NR3C1: variants seen among roughly 807,000 people sequenced by gnomAD.
NR3C1 encodes the protein nuclear receptor subfamily 3 group C member 1, also known as glucocorticoid receptor.
A neutral mutation model predicts 74.0 loss-of-function variants in NR3C1; 14 were observed. The observed-to-expected ratio is 0.19, with a 90% confidence interval of 0.12 to 0.30. NR3C1 has a LOEUF of 0.30. Among genes scored for constraint, NR3C1 ranks in the 10% least tolerant of loss-of-function variants. NR3C1 has a pLI of 1.00. For synonymous variants in NR3C1, 308 were observed against 332.5 expected, an observed-to-expected ratio of 0.93 and a Z score of 0.80; for missense variants, 695 against 909.8, an observed-to-expected ratio of 0.76 and a Z score of 3.04.
chr5:143,402,552 G>C, intron 1 of NR3C1: 1 of 968,030 alleles, frequency 1.0e-6, no homozygotes, highest in Non-Finnish European at 1.2e-6. Flanking sequence ...TGCGGGGCGG[G>C]GGTGGAGAAG....
At chr5:143,349,039 C>G (rs925672822) in intron 2 of NR3C1, among the ~76,000 whole-genome samples, 16 of 152,088 alleles carry the variant, frequency 1.1e-4, no homozygotes, top group African/African-American at 2.9e-4. Flanking sequence ...GAGGGAGGAT[C>G]AGAGAGAGAA....
chr5:143,371,120 TTTAGA>T (rs1449419243), intron 2 of NR3C1, among the ~76,000 whole-genome samples: 1 of 152,222 alleles, frequency 6.6e-6, no homozygotes, highest in Non-Finnish European at 1.5e-5. Context: ...GAAATTTTGT[TTTAGA>T]TTAGATTGTG....
At chr5:143,395,179 G>A (rs1277135634) in intron 2 of NR3C1, among the ~76,000 whole-genome samples, 1 of 151,876 alleles carries the variant, frequency 6.6e-6, no homozygotes, top group Non-Finnish European at 1.5e-5. Flanking sequence ...AACAGGGAAA[G>A]GAACACTTAG....
In NR3C1 at chr5:143,359,481, C is replaced by T. The variant is rs565099114; in HGVS notation, c.1184+40175G>A. Reference sequence around the variant, plus strand: ...AAGTTCTCTCTTATTTCCCAAAGTACTCAGTCCTTCTGCCACTCATGAATC... The same window carrying T: ...AAGTTCTCTCTTATTTCCCAAAGTATTCAGTCCTTCTGCCACTCATGAATC... On this transcript the variant is annotated intron_variant, in intron 2 of 8. Transcript: ENST00000394464. Among the ~76,000 whole-genome samples the T allele has an allele frequency of 5.9e-5, 9 of 152,328 alleles. No individual in the cohort carries two copies. The East Asian group carries it at 1.5e-3, about 26-fold the overall frequency.
At chr5:143,337,245 A>G (rs1193008040) in intron 2 of NR3C1, among the ~76,000 whole-genome samples, 4 of 152,220 alleles carry the variant, frequency 2.6e-5, no homozygotes, top group African/African-American at 9.6e-5. Context: ...TGGCCAATAA[A>G]CATATGAAAA....
intron 4 of NR3C1, among the ~76,000 whole-genome samples, chr5:143,304,519 A>G (rs923622634): frequency 1.3e-5 from 2 of 152,192 alleles, no homozygotes; most frequent in Non-Finnish European, 2.9e-5. Flanking sequence ...TATTCCTATC[A>G]AACTACAATG....
chr5:143,403,314 T>G lies in NR3C1; in HGVS notation c.-117A>C. On this transcript the variant is annotated 5_prime_UTR_variant, in exon 1 of 9. Coordinates refer to ENST00000394464, the MANE Select transcript of NR3C1 (RefSeq NM_000176.3). ...CAGAAGGAGCAGGAGGGAAATATAT[T>G]TTTTTTTTCTAAAAAAAGGAAGTAA... The G allele has an allele frequency of 1.0e-6, 1 of 982,330 alleles. No individual in the cohort carries two copies. The highest frequency in any genetic ancestry group is 1.2e-6 in the Non-Finnish European group (1 of 828,924). The allele number at this position is 982,330 out of a possible 1,614,324, so 60.9% of individuals were successfully genotyped here.
chr5:143,281,898 A>G lies in NR3C1; in HGVS notation c.2325T>C (p.His775=). ...ATTCTTATTAAGGCAGTCACTTTTG[A>G]TGAAACAGAAGTTTTTTGATATTTC... ...SNGNIKKLLF[H]QK The change falls in exon 9 of 9, where the codon CAT becomes CAC. Residue 775 remains histidine (H), a synonymous_variant. Coordinates refer to ENST00000394464, the MANE Select transcript of NR3C1 (RefSeq NM_000176.3). The G allele has an allele frequency of 2.5e-6, 4 of 1,613,350 alleles. No individual in the cohort carries two copies. Among genetic ancestry groups the G allele is most frequent in the Non-Finnish European group, 3.4e-6 (4 of 1,179,502 alleles).
chr5:143,398,550 T>C (rs1029423647), intron 2 of NR3C1, among the ~76,000 whole-genome samples: 4 of 152,010 alleles, frequency 2.6e-5, no homozygotes, highest in African/African-American at 9.7e-5. Flanking sequence ...ATGGGAACGA[T>C]GAATATCACT....
chr5:143,403,230 C>T lies in NR3C1; in HGVS notation c.-33G>A. 1.0e-6 allele frequency: 1 copy of T among 985,484 alleles called. No homozygotes were observed. The allele number at this position is 985,484 out of a possible 1,614,324, so 61.0% of individuals were successfully genotyped here. A position where few individuals can be genotyped will look rare whatever the true frequency, so the allele number is the denominator to read the frequency against. ...TCTTACCTCTGGCAGAGGAGCCGCT[C>T]GCCCGCCACCGTCCGCAGTTCCCGC... On this transcript the variant is annotated 5_prime_UTR_variant, in exon 1 of 9. Coordinates refer to ENST00000394464, the MANE Select transcript of NR3C1 (RefSeq NM_000176.3).
chr5:143,310,045 A>G (rs965325127), intron 4 of NR3C1, 52 bp downstream of exon 4: 10 of 1,352,462 alleles, frequency 7.4e-6, no homozygotes, highest in Non-Finnish European at 1.1e-5. Flanking sequence ...GTAAAATGAT[A>G]AATTTTTATA....
chr5:143,417,084 A>G (rs1369866824), intron 1 of NR3C1, among the ~76,000 whole-genome samples: 1 of 152,164 alleles, frequency 6.6e-6, no homozygotes, highest in Non-Finnish European at 1.5e-5. Flanking sequence ...TCTACTTTCC[A>G]TATTGATCCA....
intron 4 of NR3C1, among the ~76,000 whole-genome samples, chr5:143,309,653 G>A (rs1820485519): frequency 6.6e-6 from 1 of 151,440 alleles, no homozygotes; most frequent in Admixed American, 6.6e-5. Context: ...ACCACCCCCC[G>A]CTTGAAGATC....
chr5:143,351,077 C>T (rs1266751115), intron 2 of NR3C1, among the ~76,000 whole-genome samples: 11 of 152,162 alleles, frequency 7.2e-5, no homozygotes, highest in Admixed American at 2.0e-4. Flanking sequence ...GCTACCACTC[C>T]AGTTAATGCT....
chr5:143,370,630 T>C (rs1181854325), intron 2 of NR3C1, among the ~76,000 whole-genome samples: 2 of 152,234 alleles, frequency 1.3e-5, no homozygotes, highest in Non-Finnish European at 2.9e-5. Flanking sequence ...TCCCAGACTT[T>C]AGCAAGGTCG....
chr5:143,282,069 G>A (rs768357600), intron 8 of NR3C1, 28 bp from the exon 9 acceptor site: 1 of 1,612,790 alleles, frequency 6.2e-7, no homozygotes, highest in Non-Finnish European at 8.5e-7. Context: ...GTAATGATCA[G>A]GCTTCCAAAT....
intron 2 of NR3C1, among the ~76,000 whole-genome samples, chr5:143,395,632 G>C (rs556561014): frequency 6.6e-6 from 1 of 151,886 alleles, no homozygotes; most frequent in Non-Finnish European, 1.5e-5. Flanking sequence ...AGTACACAAT[G>C]AGAACCCACT....
Position 143,400,987 on chromosome 5 carries a change from A to G in NR3C1, c.-13-135T>C, listed in dbSNP as rs1840162172. 4 of 740,076 alleles carry G rather than the reference A, an allele frequency of 5.4e-6. No individual in the cohort carries two copies. In the African/African-American group the frequency reaches 7.0e-5, roughly 13 times the overall value. 45.8% of individuals were successfully genotyped at this position (740,076 alleles called of 1,614,324 possible). On this transcript the variant is annotated intron_variant, in intron 1 of 8. Transcript: ENST00000394464. ...ACTCCGAATCAAATTCTTTGTTACC[A>G]GAAGAGTAGTTTCTATCTTCCAGAA...
chr5:143,309,047 T>A (rs1820265839), intron 4 of NR3C1, among the ~76,000 whole-genome samples: 1 of 151,590 alleles, frequency 6.6e-6, no homozygotes, highest in Non-Finnish European at 1.5e-5. Context: ...GATATGAAAC[T>A]CTAACTTATA....
Sources: gnomAD v4.1 joint callset for allele counts (sites outside exome capture counted in the v4.1 genomes callset) on GRCh38, gnomAD v4.1.1 for gene constraint, MANE v1.5 for transcripts, NCBI Gene and HGNC (gene_info 2026-07-23, HGNC 2026-07-21) for gene names.